VPS54: variants seen among roughly 807,000 people sequenced by gnomAD.
VPS54 encodes the protein vacuolar protein sorting-associated protein 54.
VPS54 carries 45 observed loss-of-function variants against 121.5 expected under a neutral mutation model. The observed-to-expected ratio is 0.37, with a 90% CI of 0.29 to 0.47. The LOEUF is 0.47. Among genes scored for constraint, VPS54 ranks in the 20% least tolerant of loss-of-function variants. The pLI is 0.99. For synonymous variants in VPS54, 371 were observed against 385.8 expected (o/e 0.96, Z 0.45); for missense variants, 1,090 against 1,131.4 (o/e 0.96, Z 0.52).
chr2:63,929,076 G>A (rs539104413), intron 12 of VPS54, among the ~76,000 whole-genome samples: 20 of 152,120 alleles, frequency 1.3e-4, no homozygotes, highest in South Asian at 1.0e-3. Context: ...AATGGGAGAC[G>A]TTAATACCCC....
intron 2 of VPS54, 46 bp downstream of exon 2, chr2:63,983,818 T>C (rs750151345): frequency 6.4e-7 from 1 of 1,554,228 alleles, no homozygotes. Flanking sequence ...CATTTAAAGA[T>C]AATAGAAATC....
intron 20 of VPS54, among the ~76,000 whole-genome samples, chr2:63,901,595 T>C (rs748919156): frequency 1.4e-4 from 22 of 151,928 alleles, no homozygotes; most frequent in Admixed American, 4.6e-4. Context: ...CACAAGGAAA[T>C]AGAAACAAAT....
chr2:63,965,562 T>C (rs1675955275), intron 6 of VPS54, among the ~76,000 whole-genome samples: 1 of 152,238 alleles, frequency 6.6e-6, no homozygotes, highest in Admixed American at 6.5e-5. Flanking sequence ...TTGTGTTAGC[T>C]AATATAGCCT....
At chr2:63,959,627 C>G (rs1309760508) in intron 7 of VPS54, among the ~76,000 whole-genome samples, 1 of 152,124 alleles carries the variant, frequency 6.6e-6, no homozygotes, top group Non-Finnish European at 1.5e-5. Context: ...TGGCTAATGC[C>G]TGTAATCACA....
chr2:63,995,593 G>A (rs1677543443), intron 1 of VPS54, among the ~76,000 whole-genome samples: 1 of 152,174 alleles, frequency 6.6e-6, no homozygotes, highest in Admixed American at 6.5e-5. Context: ...GTTAATGACT[G>A]GCAAGCCAAT....
At position 63,949,061 on chromosome 2, in the gene VPS54, T is replaced by A; in HGVS notation, c.1113A>T (p.Glu371Asp). Residue 371 changes from glutamate to aspartate, a missense_variant, in exon 8 of 23, where the codon GAA becomes GAT. Physicochemically the swap from Glu to Asp is conservative, Grantham distance 45. Transcript: ENST00000272322. Reference sequence around the variant, plus strand: ...CCTCTTCTAAAACTTGACAGTCATCTTCCAGTGGTCTATTTAAGTCACTGT... The same window carrying A: ...CCTCTTCTAAAACTTGACAGTCATCATCCAGTGGTCTATTTAAGTCACTGT... ...YSHSDLNRPL[E>D]DDCQVLEEER... is the part of the protein sequence containing the mutation. 6.2e-7 allele frequency: 1 copy of A among 1,611,448 alleles called. No homozygotes were observed. Among genetic ancestry groups the A allele is most frequent in the South Asian group, 1.1e-5 (1 of 90,568 alleles).
chr2:64,018,688 C>T (rs1246483738), intron 1 of VPS54, among the ~76,000 whole-genome samples: 2 of 147,456 alleles, frequency 1.4e-5, no homozygotes, highest in Non-Finnish European at 3.0e-5. Context: ...CGTTTGCGGT[C>T]GCTGACAGGA....
chr2:63,946,061 C>T (rs555025944), intron 9 of VPS54, among the ~76,000 whole-genome samples: 5 of 152,080 alleles, frequency 3.3e-5, no homozygotes, highest in Non-Finnish European at 5.9e-5. Flanking sequence ...TACTTCCTCC[C>T]AAAATATACT....
Position 63,921,187 on chromosome 2 carries a change from G to C in VPS54, c.1869+19C>G, listed in dbSNP as rs1472170544. On this transcript the variant is annotated intron_variant, in intron 13 of 22. Coordinates refer to ENST00000272322, the MANE Select transcript of VPS54 (RefSeq NM_016516.3). ...AATTATTACGTATAAAATATATAAA[G>C]CTTTATGAAAATAGCTACCTTTGCT... 5.6e-6 allele frequency: 9 copies of C among 1,600,490 alleles called. No individual in the cohort carries two copies. The highest frequency in any genetic ancestry group is 7.7e-6 in the Non-Finnish European group (9 of 1,174,346).
intron 16 of VPS54, among the ~76,000 whole-genome samples, chr2:63,915,465 T>G (rs756110153): frequency 1.9e-4 from 29 of 152,156 alleles, no homozygotes; most frequent in Non-Finnish European, 3.7e-4. Context: ...TCTCCTAGAG[T>G]CTGCCTAAAT....
intron 7 of VPS54, among the ~76,000 whole-genome samples, chr2:63,951,030 A>G (rs1675216606): frequency 1.3e-5 from 2 of 151,992 alleles, no homozygotes; most frequent in Admixed American, 6.6e-5. Context: ...TTAAATTACC[A>G]CTTGATATCT....
chr2:63,999,308 T>G (rs1456912110), intron 1 of VPS54, among the ~76,000 whole-genome samples: 1 of 152,222 alleles, frequency 6.6e-6, no homozygotes, highest in Non-Finnish European at 1.5e-5. Flanking sequence ...TTGGCTTTTG[T>G]TTGTCTGGGA....
intron 1 of VPS54, among the ~76,000 whole-genome samples, chr2:64,010,821 T>C (rs1311598479): frequency 6.6e-6 from 1 of 152,212 alleles, no homozygotes; most frequent in Non-Finnish European, 1.5e-5. Context: ...ATTGGGGCTG[T>C]CATATAAATA....
chr2:63,892,521 C>T lies in VPS54; in HGVS notation c.*909G>A, dbSNP rs1048969398. The T allele has an allele frequency of 2.0e-5, 3 of 152,470 alleles. No homozygotes were observed. The highest frequency in any genetic ancestry group is 7.2e-5 in the African/African-American group (3 of 41,388). 9.4% of individuals were successfully genotyped at this position (152,470 alleles called of 1,614,324 possible). A position where few individuals can be genotyped will look rare whatever the true frequency, so the allele number is the denominator to read the frequency against. On this transcript the variant is annotated 3_prime_UTR_variant, in exon 23 of 23. Coordinates refer to ENST00000272322, the MANE Select transcript of VPS54 (RefSeq NM_016516.3). ...TCGAAAGTAACTTAAAAACAAGGAT[C>T]CAAGGGGGCCATACTTCATATGTTA...
At chr2:63,925,765 T>TA (rs1466930878) in intron 12 of VPS54, among the ~76,000 whole-genome samples, 2 of 152,160 alleles carry the variant, frequency 1.3e-5, no homozygotes, top group Admixed American at 6.5e-5. Context: ...TCCATTAACA[T>TA]AAAGTTTAAA....
intron 20 of VPS54, among the ~76,000 whole-genome samples, chr2:63,909,723 TG>T (rs2104425692): frequency 7.0e-6 from 1 of 143,660 alleles, no homozygotes; most frequent in African/African-American, 2.5e-5. Context: ...TGGCCGTTTT[TG>T]GTTTTTTTTT....
At chr2:63,960,481 G>A (rs1575960239) in intron 7 of VPS54, among the ~76,000 whole-genome samples, 1 of 152,070 alleles carries the variant, frequency 6.6e-6, no homozygotes, top group African/African-American at 2.4e-5. Context: ...ATAAACTTAT[G>A]AGTCAAGGAA....
At chr2:63,915,328 G>T (rs1219758561) in intron 16 of VPS54, among the ~76,000 whole-genome samples, 2 of 152,136 alleles carry the variant, frequency 1.3e-5, no homozygotes, top group Admixed American at 1.3e-4. Context: ...TCAGAAATAA[G>T]ATCTACGTAA....
chr2:63,967,414 T>G (rs1453410008), intron 5 of VPS54, among the ~76,000 whole-genome samples: 1 of 152,064 alleles, frequency 6.6e-6, no homozygotes, highest in Non-Finnish European at 1.5e-5. Context: ...CCAAGGGATG[T>G]GATAAAATAT....
Sources: allele counts gnomAD v4.1 joint callset (sites outside exome capture counted in the v4.1 genomes callset), GRCh38; gene constraint gnomAD v4.1.1; transcripts MANE v1.5; gene names NCBI Gene and HGNC (gene_info 2026-07-23, HGNC 2026-07-21).